The following NRXN3 variants were observed in gnomAD, a reference collection of about 807,000 sequenced individuals.
The protein encoded by NRXN3 is neurexin III.
In NRXN3, 32 loss-of-function variants were observed where a neutral mutation model predicts 137.6. That is an observed-to-expected ratio of 0.23 (90% confidence interval 0.18 to 0.31). The LOEUF (loss-of-function observed/expected upper bound fraction) is 0.31, where lower values mean the gene tolerates loss of function less well. NRXN3 is among the 10% of genes least tolerant of loss of function. The pLI, the probability that NRXN3 is intolerant of heterozygous loss-of-function variation, is 1.00. For synonymous variants in NRXN3, 798 were observed against 784.5 expected, an observed-to-expected ratio of 1.02 and a Z score of -0.29; for missense variants, 1,574 against 2,062.5, an observed-to-expected ratio of 0.76 and a Z score of 4.59.
At chr14:79,411,328 A>G (rs1367099632) in intron 15 of NRXN3, among the ~76,000 whole-genome samples, 3 of 152,128 alleles carry the variant, frequency 2.0e-5, no homozygotes, top group Non-Finnish European at 4.4e-5. Flanking sequence ...AAACTGCCCT[A>G]TTTTGTTGAA....
intron 6 of NRXN3, among the ~76,000 whole-genome samples, chr14:78,701,389 T>C (rs1308013779): frequency 1.3e-5 from 2 of 152,218 alleles, no homozygotes; most frequent in African/African-American, 4.8e-5. Context: ...GCTTTTGGGC[T>C]TGCACTCATG....
chr14:79,062,754 CA>C (rs1420820786), intron 15 of NRXN3, among the ~76,000 whole-genome samples: 1 of 152,130 alleles, frequency 6.6e-6, no homozygotes, highest in Non-Finnish European at 1.5e-5. Flanking sequence ...TTAGAGTAAT[CA>C]AAGGGTTTGT....
intron 19 of NRXN3, among the ~76,000 whole-genome samples, chr14:79,772,930 A>G (rs1175089307): frequency 6.6e-6 from 1 of 152,210 alleles, no homozygotes; most frequent in Non-Finnish European, 1.5e-5. Context: ...CAAATTTACA[A>G]GAAAAAAACA....
At chr14:78,414,356 G>C (rs984192425) in intron 4 of NRXN3, among the ~76,000 whole-genome samples, 1 of 152,168 alleles carries the variant, frequency 6.6e-6, no homozygotes, top group African/African-American at 2.4e-5. Flanking sequence ...TGTAAGGGCA[G>C]GGTGGTTGTT....
chr14:79,134,299 C>G (rs1002986459), intron 15 of NRXN3, among the ~76,000 whole-genome samples: 1 of 152,152 alleles, frequency 6.6e-6, no homozygotes, highest in African/African-American at 2.4e-5. Context: ...CTATAGTCTG[C>G]CTTTCTGTGT....
chr14:79,674,159 C>G (rs2098628332), intron 17 of NRXN3, among the ~76,000 whole-genome samples: 1 of 151,968 alleles, frequency 6.6e-6, no homozygotes, highest in Non-Finnish European at 1.5e-5. Context: ...TGGAACAATG[C>G]CAATAAGCTC....
intron 14 of NRXN3, among the ~76,000 whole-genome samples, chr14:78,974,796 T>C (rs948223645): frequency 2.6e-5 from 4 of 152,196 alleles, no homozygotes; most frequent in Non-Finnish European, 5.9e-5. Context: ...AGCTGGCTTT[T>C]TCAGCTACAA....
intron 4 of NRXN3, among the ~76,000 whole-genome samples, chr14:78,487,392 G>GA (rs1190219759): frequency 6.6e-6 from 1 of 152,094 alleles, no homozygotes; most frequent in African/African-American, 2.4e-5. Context: ...AGTACTTCAA[G>GA]AAAAAATGCC....
At chr14:79,045,775 G>A (rs570791772) in intron 15 of NRXN3, among the ~76,000 whole-genome samples, 5 of 152,236 alleles carry the variant, frequency 3.3e-5, no homozygotes, top group Admixed American at 1.3e-4. Flanking sequence ...TCCAGTTGCC[G>A]CTTGGTGTGT....
chr14:78,299,717 A>G (rs929465590), intron 4 of NRXN3, among the ~76,000 whole-genome samples: 1 of 152,164 alleles, frequency 6.6e-6, no homozygotes, highest in Admixed American at 6.5e-5. Context: ...CTGGTATGAA[A>G]AACATTTGGA....
At chr14:78,560,922 C>T (rs1175944338) in intron 4 of NRXN3, among the ~76,000 whole-genome samples, 2 of 152,126 alleles carry the variant, frequency 1.3e-5, no homozygotes, top group African/African-American at 2.4e-5. Flanking sequence ...AGATTAGATA[C>T]GTCTCAGGGA....
intron 4 of NRXN3, among the ~76,000 whole-genome samples, chr14:78,549,559 C>T (rs1037753158): frequency 5.3e-5 from 8 of 152,150 alleles, no homozygotes; most frequent in Non-Finnish European, 8.8e-5. Context: ...AGTGCCTCAT[C>T]GATGTGCTCA....
intron 4 of NRXN3, among the ~76,000 whole-genome samples, chr14:78,334,678 G>A (rs754252258): frequency 4.5e-4 from 69 of 152,302 alleles, no homozygotes; most frequent in Non-Finnish European, 2.9e-4. Context: ...AGCAAAGTGG[G>A]AGATTTGAGA....
chr14:78,375,270 C>A (rs2087614240), intron 4 of NRXN3, among the ~76,000 whole-genome samples: 1 of 152,186 alleles, frequency 6.6e-6, no homozygotes, highest in South Asian at 2.1e-4. Context: ...TGCCTCTTTG[C>A]AAATTAACCG....
intron 8 of NRXN3, among the ~76,000 whole-genome samples, chr14:78,794,239 G>A (rs1368834649): frequency 1.3e-5 from 2 of 152,012 alleles, no homozygotes; most frequent in South Asian, 2.1e-4. Flanking sequence ...AAAATTAGCC[G>A]GGTGTGGTGG....
rs1314660537 is a variant in NRXN3, at chr14:78,651,147, C to T, written c.1060-18C>T. On this transcript the variant is annotated intron_variant, in intron 5 of 20. Transcript: ENST00000335750. ...GGTCATTGTTGGGATTTTTTTTGTC[C>T]CTATGTCCCTCCACCAGGTGACAAT... 3.7e-6 allele frequency: 6 copies of T among 1,607,756 alleles called. No individual in the cohort carries two copies. The highest frequency in any genetic ancestry group is 1.7e-4 in the Middle Eastern group (1 of 6,008).
intron 4 of NRXN3, among the ~76,000 whole-genome samples, chr14:78,395,980 TATC>T (rs376498028): frequency 6.6e-5 from 10 of 152,188 alleles, no homozygotes; most frequent in African/African-American, 2.4e-4. Flanking sequence ...TTATATTTAA[TATC>T]ATCATTTATA....
rs139693516 is a variant in NRXN3, at chr14:79,653,032, A to ACTAT, written c.3445-10743_3445-10740dup. On this transcript the variant is annotated intron_variant, in intron 16 of 20. Transcript: ENST00000335750. ...CCTGGATGAAAGACCTAACTGCAGC[A>ACTAT]CTATCTCCAGGACACACACACACAC... 0.021 allele frequency among the ~76,000 whole-genome samples: 3,249 copies of ACTAT among 152,024 alleles called. 188 individuals are homozygous for ACTAT. In the East Asian group the frequency reaches 0.23, roughly 11 times the overall value.
intron 1 of NRXN3, among the ~76,000 whole-genome samples, chr14:78,209,564 A>G (rs1234389757): frequency 6.6e-6 from 1 of 152,172 alleles, no homozygotes; most frequent in East Asian, 1.9e-4. Flanking sequence ...CACATTTTAC[A>G]TGGCATCAGG....
Sources: gnomAD v4.1 joint callset for allele counts (sites outside exome capture counted in the v4.1 genomes callset) on GRCh38, gnomAD v4.1.1 for gene constraint, MANE v1.5 for transcripts, NCBI Gene and HGNC (gene_info 2026-07-23, HGNC 2026-07-21) for gene names.